The following PLEKHG1 variants were observed in gnomAD, a reference collection of about 807,000 sequenced individuals.
PLEKHG1 encodes the protein pleckstrin homology domain-containing family G member 1.
Under a neutral mutation model 100.8 loss-of-function variants are expected in PLEKHG1, and 44 were observed. That is an observed-to-expected ratio of 0.44 (90% CI 0.34 to 0.56). The LOEUF (loss-of-function observed/expected upper bound fraction) is 0.56, where lower values mean the gene tolerates loss of function less well. PLEKHG1 is among the 20% of genes least tolerant of loss of function. The pLI is 0.01. For synonymous variants in PLEKHG1, 640 were observed against 662.5 expected (o/e 0.97, Z 0.52); for missense variants, 1,545 against 1,720.9 (o/e 0.90, Z 1.81).
At position 150,600,239 on chromosome 6, in the gene PLEKHG1, G is replaced by T. The variant is rs1776280745; in HGVS notation, c.-204+222G>T. 6.6e-6 allele frequency among the ~76,000 whole-genome samples: 1 copy of T among 151,606 alleles called. No individual in the cohort carries two copies. The highest frequency in any genetic ancestry group is 2.4e-5 in the African/African-American group (1 of 41,344). On this transcript the variant is annotated intron_variant, in intron 1 of 3. Coordinates refer to the PLEKHG1 transcript ENST00000367326. The surrounding 1 kb of genome is among the most constrained non-coding windows in gnomAD (Gnocchi z 6.2). Reference sequence around the variant, plus strand: ...GGCGCCGGGGGCACCGCGCGGTGGGGACGGAGGGCGCTGGGGGGCGCCGCG... The same window carrying T: ...GGCGCCGGGGGCACCGCGCGGTGGGTACGGAGGGCGCTGGGGGGCGCCGCG...
upstream of PLEKHG1, among the ~76,000 whole-genome samples, chr6:150,716,504 C>T (rs1462855830): frequency 6.6e-6 from 1 of 152,212 alleles, no homozygotes; most frequent in Non-Finnish European, 1.5e-5. Flanking sequence ...GTCTTCCTGT[C>T]TCTGGGCCGC....
chr6:150,731,093 G>A (rs906789982), intron 1 of PLEKHG1, among the ~76,000 whole-genome samples: 1 of 152,028 alleles, frequency 6.6e-6, no homozygotes, highest in Non-Finnish European at 1.5e-5. Context: ...CCCCTACTTT[G>A]GACTGCCATG....
At chr6:150,715,602 C>T (rs1781398896) in intron 3 of PLEKHG1, among the ~76,000 whole-genome samples, 1 of 151,014 alleles carries the variant, frequency 6.6e-6, no homozygotes, top group African/African-American at 2.4e-5. Context: ...ATTCTCCTGC[C>T]TCAGTCTCCC....
chr6:150,838,238 A>G (rs139397613), intron 15 of PLEKHG1, among the ~76,000 whole-genome samples: 1 of 152,372 alleles, frequency 6.6e-6, no homozygotes, highest in Non-Finnish European at 1.5e-5. Context: ...TATATAGGAT[A>G]CATTTCCTTC....
intron 2 of PLEKHG1, among the ~76,000 whole-genome samples, chr6:150,644,332 G>GGGTTTTTTTTTTT (rs1562404967): frequency 2.1e-5 from 2 of 96,562 alleles, no homozygotes; most frequent in South Asian, 3.4e-4. Context: ...TTTTCTTTTC[G>GGGTTTTTTTTTTT]TGTTTTTTTT....
intron 3 of PLEKHG1, among the ~76,000 whole-genome samples, chr6:150,774,352 A>C (rs896785122): frequency 2.6e-5 from 4 of 152,044 alleles, no homozygotes; most frequent in African/African-American, 9.7e-5. Context: ...TTTATTGTGA[A>C]TATTGAGTTT....
intron 5 of PLEKHG1, 92 bp downstream of exon 6, chr6:150,795,994 G>A: frequency 1.2e-6 from 1 of 822,278 alleles, no homozygotes; most frequent in Non-Finnish European, 2.1e-6. Context: ...TAGGCATTCT[G>A]TGCCTGGCCT....
intron 2 of PLEKHG1, among the ~76,000 whole-genome samples, chr6:150,754,744 C>A (rs539958106): frequency 7.3e-5 from 11 of 151,448 alleles, no homozygotes; most frequent in Non-Finnish European, 1.5e-4. Flanking sequence ...TCTTGGCTCA[C>A]CGCAACCTCT....
Position 150,807,247 on chromosome 6 carries a change from C to T in PLEKHG1, c.913-1858C>T, listed in dbSNP as rs189934834. ...GGGAAAACATAGTATATTTAGAGGT[C>T]AATACTATCCCCAGTTCCGGTAATC... is the stretch of plus-strand genomic sequence containing the variant. On this transcript the variant is annotated intron_variant, in intron 7 of 15. Coordinates refer to ENST00000358517, the Ensembl canonical transcript of PLEKHG1. Among the ~76,000 whole-genome samples, 91 of 152,214 alleles carry T rather than the reference C, an allele frequency of 6.0e-4. 1 individual carries two copies. The highest frequency in any genetic ancestry group is 2.0e-3 in the African/African-American group (82 of 41,534).
At chr6:150,620,830 A>G (rs943385744) in intron 1 of PLEKHG1, among the ~76,000 whole-genome samples, 2 of 152,226 alleles carry the variant, frequency 1.3e-5, no homozygotes, top group Non-Finnish European at 2.9e-5. Context: ...ACAAGGGAAC[A>G]TCAGATATTA....
intron 1 of PLEKHG1, among the ~76,000 whole-genome samples, chr6:150,727,573 T>G (rs1402907503): frequency 6.6e-6 from 1 of 151,896 alleles, no homozygotes; most frequent in Non-Finnish European, 1.5e-5. Context: ...AGAAGCTGTC[T>G]AGGCATCTTT....
At chr6:150,830,734 C>T in exon 15 of PLEKHG1, 1 of 1,614,216 alleles carries the variant, frequency 6.2e-7, no homozygotes, top group Non-Finnish European at 8.5e-7. Context: ...TCAGGCAAGC[C>T]TTGTTTCCCA....
intron 3 of PLEKHG1, among the ~76,000 whole-genome samples, chr6:150,703,780 G>GA (rs1780898278): frequency 6.6e-6 from 1 of 152,066 alleles, no homozygotes. Context: ...TGAATCACAG[G>GA]AAAAAATACT....
At position 150,662,890 on chromosome 6, in the gene PLEKHG1, G is replaced by T. The variant is rs1360537669; in HGVS notation, c.-99+12104G>T. ...TATGTATTTTTTAGACAAAAAATTTGAAAGCTTTTTATGTTTTATGATATT... is the reference window on the plus strand; with the variant it reads ...TATGTATTTTTTAGACAAAAAATTTTAAAGCTTTTTATGTTTTATGATATT... On this transcript the variant is annotated intron_variant, in intron 3 of 3. Coordinates refer to the PLEKHG1 transcript ENST00000367326. 2.0e-5 allele frequency: 3 copies of T among 152,110 alleles called. No homozygotes were observed. In the East Asian group the frequency reaches 5.8e-4, roughly 29 times the overall value. 9.4% of individuals were successfully genotyped at this position (152,110 alleles called of 1,614,324 possible).
At chr6:150,661,559 C>G (rs1022247443) in intron 3 of PLEKHG1, among the ~76,000 whole-genome samples, 29 of 152,212 alleles carry the variant, frequency 1.9e-4, no homozygotes, top group African/African-American at 7.0e-4. Context: ...TTAGGGCCAT[C>G]TGGGGGCCAG....
intron 3 of PLEKHG1, among the ~76,000 whole-genome samples, chr6:150,691,844 A>T (rs905951016): frequency 3.3e-4 from 51 of 152,272 alleles, no homozygotes; most frequent in Admixed American, 3.3e-3. Context: ...CCAAATATTT[A>T]CTGAGGACTT....
At position 150,674,680 on chromosome 6, in the gene PLEKHG1, TCTCC is replaced by T. The variant is rs1381056476; in HGVS notation, c.-99+23896_-99+23899del. Reference sequence around the variant, plus strand: ...CTCTCTCTCTCTCTCTCTCTCTCTCTCTCCCCCCTCTTCTCTTCTTTCCATGGAG... The same window carrying T: ...CTCTCTCTCTCTCTCTCTCTCTCTCTCCCCTCTTCTCTTCTTTCCATGGAG... On this transcript the variant is annotated intron_variant, in intron 3 of 3. Coordinates refer to the PLEKHG1 transcript ENST00000367326. Among the ~76,000 whole-genome samples the T allele has an allele frequency of 3.4e-3, 452 of 132,790 alleles. 7 individuals carry two copies. Among genetic ancestry groups the T allele is most frequent in the African/African-American group, 6.7e-3 (222 of 32,944 alleles). 87.1% of individuals were successfully genotyped at this position (132,790 alleles called of 152,430 possible).
chr6:150,734,495 C>T (rs2128618373), intron 2 of PLEKHG1, among the ~76,000 whole-genome samples: 1 of 152,324 alleles, frequency 6.6e-6, no homozygotes, highest in East Asian at 1.9e-4. Flanking sequence ...TCGCTACTGG[C>T]ATCCGGGAGC....
chr6:150,677,235 G>T (rs1225742109), intron 3 of PLEKHG1, among the ~76,000 whole-genome samples: 2 of 151,878 alleles, frequency 1.3e-5, no homozygotes, highest in East Asian at 3.9e-4. Context: ...GACCCTATGT[G>T]GCCTGGTGCC....
Sources: gnomAD v4.1 joint callset for allele counts (sites outside exome capture counted in the v4.1 genomes callset) on GRCh38, gnomAD v4.1.1 for gene constraint, Gnocchi (gnomAD v3.1) non-coding constraint, MANE v1.5 for transcripts, NCBI Gene and HGNC (gene_info 2026-07-23, HGNC 2026-07-21) for gene names.